The following AGAP1 variants were observed in gnomAD, a reference collection of about 807,000 sequenced individuals.
The protein encoded by AGAP1 is arf-GAP with GTPase, ANK repeat and PH domain-containing protein 1.
Under a neutral mutation model 105.3 loss-of-function variants are expected in AGAP1, and 29 were observed. That is an observed-to-expected ratio of 0.28 (90% CI 0.21 to 0.38). The LOEUF is 0.38. Ranked by LOEUF, AGAP1 falls within the 10% of genes least tolerant of loss-of-function variation. The pLI is 1.00. For missense variants in AGAP1, 998 were observed against 1,165.1 expected (o/e 0.86, Z 2.09); for synonymous variants, 509 against 485.9 (o/e 1.05, Z -0.63).
chr2:235,675,770 T>C (rs115111733), intron 1 of AGAP1, among the ~76,000 whole-genome samples: 1 of 152,326 alleles, frequency 6.6e-6, no homozygotes, highest in African/African-American at 2.4e-5. Flanking sequence ...AAGTCACCGC[T>C]GTGGGCTGTG....
chr2:236,034,234 C>T lies in AGAP1; in HGVS notation c.1646-2327C>T, dbSNP rs539536454. Among the ~76,000 whole-genome samples, 26 of 152,096 alleles carry T rather than the reference C, an allele frequency of 1.7e-4. 1 individual carries two copies. In the South Asian group the frequency reaches 5.4e-3, roughly 32 times the overall value. On this transcript the variant is annotated intron_variant, in intron 13 of 17. Coordinates refer to ENST00000304032, the MANE Select transcript of AGAP1 (RefSeq NM_001037131.3). Reference sequence around the variant, plus strand: ...AGACCCACAGATGCAATGGCTCAGCCAGTACTTGCACGATATCATTGTAAG... The same window carrying T: ...AGACCCACAGATGCAATGGCTCAGCTAGTACTTGCACGATATCATTGTAAG...
Position 235,737,991 on chromosome 2 carries a change from C to T in AGAP1, c.311-2972C>T, listed in dbSNP as rs973885422. On this transcript the variant is annotated intron_variant, in intron 3 of 17. Transcript: ENST00000304032. This position sits in a 1 kb window ranked among gnomAD's most constrained non-coding sequence, Gnocchi z 4.5. The stretch of plus-strand genomic sequence containing the variant: ...TCAGAGGGCAGGGCTGGAGCTGGGG[C>T]CCTGTAGGGCACTCAGCGTCCGGAG... 1.3e-5 allele frequency among the ~76,000 whole-genome samples: 2 copies of T among 151,892 alleles called. No individual in the cohort carries two copies. Among genetic ancestry groups the T allele is most frequent in the Non-Finnish European group, 2.9e-5 (2 of 67,964 alleles).
rs1410610677 is a variant in AGAP1 at position 235,927,593 on chromosome 2, A to G, written c.1325-3172A>G. On this transcript the variant is annotated intron_variant, in intron 11 of 17. Transcript: ENST00000304032. The surrounding 1 kb of genome is among the most constrained non-coding windows in gnomAD (Gnocchi z 4.4). ...CTTGATCAGCAACCTCCATTGGAAC[A>G]TTTCGTGGTCCCTTGTCTGGGGTTG... 6.6e-6 allele frequency among the ~76,000 whole-genome samples: 1 copy of G among 152,124 alleles called. No individual in the cohort carries two copies. Among genetic ancestry groups the G allele is most frequent in the African/African-American group, 2.4e-5 (1 of 41,428 alleles).
In AGAP1 at chr2:235,741,624, A is replaced by G. The variant is rs933741408; in HGVS notation, c.396+576A>G. 3.9e-5 allele frequency among the ~76,000 whole-genome samples: 6 copies of G among 152,046 alleles called. No homozygotes were observed. The highest frequency in any genetic ancestry group is 1.5e-4 in the African/African-American group (6 of 41,366). ...AAATAACAAAACATGAGTGTGGAAG[A>G]TCTCTTTTTTTGGTTTATTTAACCT... On this transcript the variant is annotated intron_variant, in intron 4 of 17. Coordinates refer to ENST00000304032, the MANE Select transcript of AGAP1 (RefSeq NM_001037131.3). This position sits in a 1 kb window ranked among gnomAD's most constrained non-coding sequence, Gnocchi z 4.9.
intron 13 of AGAP1, among the ~76,000 whole-genome samples, chr2:236,006,666 TA>T (rs1326045818): frequency 2.0e-5 from 3 of 152,210 alleles, no homozygotes; most frequent in African/African-American, 7.2e-5. Context: ...TACTTTACAT[TA>T]AAAAGTAGTA....
chr2:236,108,392 T>C (rs1309014442), intron 16 of AGAP1, among the ~76,000 whole-genome samples: 1 of 152,146 alleles, frequency 6.6e-6, no homozygotes, highest in Non-Finnish European at 1.5e-5. Context: ...CTCTCCTCCT[T>C]GTCAGTTTCA....
Position 235,556,208 on chromosome 2 carries a change from A to G in AGAP1, c.163+61359A>G, listed in dbSNP as rs1224936954. 1.3e-5 allele frequency among the ~76,000 whole-genome samples: 2 copies of G among 152,196 alleles called. No homozygotes were observed. The highest frequency in any genetic ancestry group is 2.9e-5 in the Non-Finnish European group (2 of 68,032). On this transcript the variant is annotated intron_variant, in intron 1 of 17. Transcript: ENST00000304032. This position sits in a 1 kb window ranked among gnomAD's most constrained non-coding sequence, Gnocchi z 5.3. ...AGCAGCTCCTCAGAGCTGCCCCCTC[A>G]TGCCTTGGCCAATCACAGAGCACCC...
intron 6 of AGAP1, among the ~76,000 whole-genome samples, chr2:235,771,389 G>A (rs758555615): frequency 3.9e-5 from 6 of 152,136 alleles, no homozygotes; most frequent in African/African-American, 7.2e-5. Flanking sequence ...CCCACCACAC[G>A]TGGGCACAGC....
intron 1 of AGAP1, among the ~76,000 whole-genome samples, chr2:235,675,190 G>GTT (rs10714704): frequency 3.4e-4 from 43 of 127,256 alleles, no homozygotes; most frequent in East Asian, 9.3e-4. Context: ...TGGTTGGTTG[G>GTT]TTTTTTTTTT....
At position 235,549,123 on chromosome 2, in the gene AGAP1, C is replaced by A. The variant is rs2149110808; in HGVS notation, c.163+54274C>A. Among the ~76,000 whole-genome samples the A allele has an allele frequency of 6.6e-6, 1 of 152,320 alleles. No homozygotes were observed. Among genetic ancestry groups the A allele is most frequent in the South Asian group, 2.1e-4 (1 of 4,824 alleles). On this transcript the variant is annotated intron_variant, in intron 1 of 17. Coordinates refer to ENST00000304032, the MANE Select transcript of AGAP1 (RefSeq NM_001037131.3). The surrounding 1 kb of genome is among the most constrained non-coding windows in gnomAD (Gnocchi z 4.2). ...TTGGAGCTCATGCTAATGACTAAAT[C>A]ATTCAAGCCTTCTTCTTCCTGGATT...
chr2:235,816,105 C>T (rs1958436165), intron 9 of AGAP1, among the ~76,000 whole-genome samples: 1 of 152,106 alleles, frequency 6.6e-6, no homozygotes, highest in Non-Finnish European at 1.5e-5. Context: ...TTAATTTCTC[C>T]CAGGTATAAA....
At chr2:235,920,930 T>C (rs1200849666) in intron 11 of AGAP1, among the ~76,000 whole-genome samples, 2 of 152,236 alleles carry the variant, frequency 1.3e-5, no homozygotes, top group East Asian at 1.9e-4. Context: ...CATACTGTTA[T>C]CATTATCACC....
intron 1 of AGAP1, among the ~76,000 whole-genome samples, chr2:235,534,355 C>T (rs892526968): frequency 2.0e-5 from 3 of 152,088 alleles, no homozygotes; most frequent in Non-Finnish European, 2.9e-5. Flanking sequence ...GATAGGGGGT[C>T]GGCCAGACAT....
chr2:236,120,512 T>G lies in AGAP1; in HGVS notation c.2370+65T>G. The G allele has an allele frequency of 6.3e-7, 1 of 1,590,586 alleles. No individual in the cohort carries two copies. The highest frequency in any genetic ancestry group is 1.1e-5 in the South Asian group (1 of 87,726). On this transcript the variant is annotated intron_variant, in intron 17 of 17. Transcript: ENST00000304032. The surrounding 1 kb of genome is among the most constrained non-coding windows in gnomAD (Gnocchi z 6.0). Reference sequence around the variant, plus strand: ...GAGGCACTCTCTGCTTTGTTCTGCTTCCGTGGGCATCTTTCTGGCAGAAGG... The same window carrying G: ...GAGGCACTCTCTGCTTTGTTCTGCTGCCGTGGGCATCTTTCTGGCAGAAGG...
At chr2:235,920,323 CA>C (rs2052118475) in intron 11 of AGAP1, among the ~76,000 whole-genome samples, 1 of 152,164 alleles carries the variant, frequency 6.6e-6, no homozygotes, top group Admixed American at 6.5e-5. Flanking sequence ...TATCCACTCC[CA>C]ACATGGAGCA....
chr2:235,792,742 A>G lies in AGAP1; in HGVS notation c.674-5017A>G, dbSNP rs916317923. Among the ~76,000 whole-genome samples the G allele has an allele frequency of 6.6e-6, 1 of 152,186 alleles. No homozygotes were observed. The highest frequency in any genetic ancestry group is 1.5e-5 in the Non-Finnish European group (1 of 68,032). On this transcript the variant is annotated intron_variant, in intron 6 of 17. Transcript: ENST00000304032. The surrounding 1 kb of genome is among the most constrained non-coding windows in gnomAD (Gnocchi z 5.3). ...ACGAGAGGCAGGTCTGAGAGAGGCT[A>G]GGAGGCCCAGGCTGGGCGGCGCGGA... is the stretch of plus-strand genomic sequence containing the variant.
At chr2:235,584,878 C>T (rs374707557) in intron 1 of AGAP1, among the ~76,000 whole-genome samples, 26 of 137,416 alleles carry the variant, frequency 1.9e-4, no homozygotes, top group East Asian at 4.4e-4. Flanking sequence ...TATTGTGTAT[C>T]GTGTATCGTG....
At chr2:235,666,706 A>T (rs10929144) in intron 1 of AGAP1, among the ~76,000 whole-genome samples, 1 of 150,976 alleles carries the variant, frequency 6.6e-6, no homozygotes, top group African/African-American at 2.5e-5. Context: ...ATGGATTCTC[A>T]ACAAAGGTAC....
At chr2:235,593,029 C>A (rs1034583496) in intron 1 of AGAP1, among the ~76,000 whole-genome samples, 2 of 152,150 alleles carry the variant, frequency 1.3e-5, no homozygotes, top group Non-Finnish European at 2.9e-5. Context: ...GTGACCCTGA[C>A]CTGCTGAAGG....
Sources: allele counts gnomAD v4.1 joint callset (sites outside exome capture counted in the v4.1 genomes callset), GRCh38; gene constraint gnomAD v4.1.1; non-coding constraint Gnocchi (gnomAD v3.1); transcripts MANE v1.5; gene names NCBI Gene and HGNC (gene_info 2026-07-23, HGNC 2026-07-21).